Variants in GPR176 observed in about 807,000 individuals in gnomAD.
GPR176 encodes G protein-coupled receptor 176.
Under a neutral mutation model 35.4 loss-of-function variants are expected in GPR176, and 26 were observed. The ratio of observed to expected loss-of-function variants is 0.74; its 90% CI spans 0.54 to 1.02. GPR176 has a LOEUF of 1.02. Among genes scored for constraint, GPR176 ranks in the 50% least tolerant of loss-of-function variants. The pLI is 0.00. For missense variants in GPR176, 597 were observed against 665.3 expected (o/e 0.90, Z 1.13); for synonymous variants, 278 against 271.3 (o/e 1.02, Z -0.24).
chr15:39,852,208 G>A (rs745566789), intron 1 of GPR176, among the ~76,000 whole-genome samples: 14 of 152,128 alleles, frequency 9.2e-5, no homozygotes, highest in Non-Finnish European at 2.1e-4. Context: ...TGTTGTTTGA[G>A]GGGTTTCCAA....
chr15:39,866,827 T>C lies in GPR176; in HGVS notation c.172+53028A>G, dbSNP rs150926967. Among the ~76,000 whole-genome samples the C allele has an allele frequency of 3.0e-3, 460 of 152,206 alleles. 5 individuals carry two copies. In the East Asian group the frequency reaches 0.032, roughly 11 times the overall value. On this transcript the variant is annotated intron_variant, in intron 1 of 2. Transcript: ENST00000561100. ...TACCATAAATGTGTGAAGAAATAAA[T>C]CACTGAAACATATGAGGAAGGTGGA...
intron 1 of GPR176, among the ~76,000 whole-genome samples, chr15:39,849,821 C>A (rs1482483549): frequency 2.0e-5 from 3 of 152,124 alleles, no homozygotes; most frequent in African/African-American, 7.2e-5. Context: ...GAGATTCATT[C>A]TGAGAAAGGT....
At chr15:39,848,663 C>T (rs2140804212) in intron 1 of GPR176, among the ~76,000 whole-genome samples, 1 of 152,088 alleles carries the variant, frequency 6.6e-6, no homozygotes, top group Non-Finnish European at 1.5e-5. Context: ...AGAAAGACAA[C>T]AGAAAAATCT....
intron 1 of GPR176, among the ~76,000 whole-genome samples, chr15:39,837,097 A>C (rs1566946034): frequency 6.6e-6 from 1 of 152,154 alleles, no homozygotes; most frequent in African/African-American, 2.4e-5. Flanking sequence ...CTAGGGAAGG[A>C]CTTTCACAAT....
At position 39,800,501 on chromosome 15, in the gene GPR176, G is replaced by C. The variant is rs1898784183; in HGVS notation, c.*631C>G. 1 of 152,406 alleles carries C rather than the reference G, an allele frequency of 6.6e-6. No individual in the cohort carries two copies. The highest frequency in any genetic ancestry group is 2.4e-5 in the African/African-American group (1 of 41,382). The allele number at this position is 152,406 out of a possible 1,614,324, so 9.4% of individuals were successfully genotyped here. A position where few individuals can be genotyped will look rare whatever the true frequency, so the allele number is the denominator to read the frequency against. ...GGACAAAATATCTCCCTTACTCCCG[G>C]GCACATCTATCGCCATGTGTACCAT... On this transcript the variant is annotated 3_prime_UTR_variant, in exon 3 of 3. Coordinates refer to ENST00000561100, the MANE Select transcript of GPR176 (RefSeq NM_007223.3).
At chr15:39,905,891 C>T (rs934686504) in intron 1 of GPR176, among the ~76,000 whole-genome samples, 2 of 152,130 alleles carry the variant, frequency 1.3e-5, no homozygotes, top group Non-Finnish European at 2.9e-5. Context: ...AGGGCAATGT[C>T]CTGGTTGTTG....
At position 39,801,006 on chromosome 15, in the gene GPR176, C is replaced by A; in HGVS notation, c.*126G>T. The stretch of plus-strand genomic sequence containing the variant: ...TTCCCTATCATTCAAAAGCATCTGG[C>A]CCATATTGGAGGAATCAACTCACAC... On this transcript the variant is annotated 3_prime_UTR_variant, in exon 3 of 3. Coordinates refer to ENST00000561100, the MANE Select transcript of GPR176 (RefSeq NM_007223.3). The A allele has an allele frequency of 1.3e-6, 1 of 771,938 alleles. No homozygotes were observed. Among genetic ancestry groups the A allele is most frequent in the Non-Finnish European group, 2.1e-6 (1 of 465,252 alleles). The allele number at this position is 771,938 out of a possible 1,614,324, so 47.8% of individuals were successfully genotyped here. A position where few individuals can be genotyped will look rare whatever the true frequency, so the allele number is the denominator to read the frequency against.
intron 1 of GPR176, among the ~76,000 whole-genome samples, chr15:39,884,541 T>C (rs1453419884): frequency 6.6e-6 from 1 of 151,622 alleles, no homozygotes. Flanking sequence ...CTGGGGCAGC[T>C]GCTCAAAGAA....
chr15:39,849,407 A>C (rs2030697268), intron 1 of GPR176, among the ~76,000 whole-genome samples: 1 of 152,168 alleles, frequency 6.6e-6, no homozygotes. Flanking sequence ...TCCAAAAAAC[A>C]GAAGAGAAAG....
chr15:39,830,486 AAG>A (rs925060634), intron 1 of GPR176, among the ~76,000 whole-genome samples: 69 of 152,174 alleles, frequency 4.5e-4, no homozygotes, highest in Admixed American at 5.2e-4. Flanking sequence ...AGGCAGACAA[AAG>A]AGAGAGACAG....
rs1442857621 is a variant in GPR176 at position 39,801,035 on chromosome 15, G to A, written c.*97C>T. ...TATTGGAGGAATCAACTCACACTGA[G>A]TTGCAAGGAGATCATACAATCACAT... On this transcript the variant is annotated 3_prime_UTR_variant, in exon 3 of 3. Transcript: ENST00000561100. The A allele has an allele frequency of 9.7e-7, 1 of 1,028,632 alleles. No homozygotes were observed. The highest frequency in any genetic ancestry group is 1.5e-5 in the South Asian group (1 of 64,560). 63.7% of individuals were successfully genotyped at this position (1,028,632 alleles called of 1,614,324 possible).
At chr15:39,890,622 G>A (rs2032836635) in intron 1 of GPR176, among the ~76,000 whole-genome samples, 1 of 152,122 alleles carries the variant, frequency 6.6e-6, no homozygotes, top group Admixed American at 6.5e-5. Context: ...TATGTGCCAA[G>A]CTCTATTTGC....
chr15:39,920,110 C>T lies in GPR176; in HGVS notation c.-84G>A. 1.0e-6 allele frequency: 1 copy of T among 969,830 alleles called. No individual in the cohort carries two copies. Among genetic ancestry groups the T allele is most frequent in the East Asian group, 3.3e-5 (1 of 30,324 alleles). The allele number at this position is 969,830 out of a possible 1,614,324, so 60.1% of individuals were successfully genotyped here. ...CTCCTCCTCCGGGTGAGGAGGGACG[C>T]GCGGGCGCCTGGCGGAGTCCTGGAG... On this transcript the variant is annotated 5_prime_UTR_variant, in exon 1 of 3. Transcript: ENST00000561100.
At chr15:39,907,384 G>C (rs1340275791) in intron 1 of GPR176, among the ~76,000 whole-genome samples, 1 of 152,082 alleles carries the variant, frequency 6.6e-6, no homozygotes, top group Non-Finnish European at 1.5e-5. Flanking sequence ...CTCCCGCTCT[G>C]CCCTCCAAGC....
At chr15:39,825,384 G>T (rs752353767) in intron 1 of GPR176, among the ~76,000 whole-genome samples, 42 of 151,928 alleles carry the variant, frequency 2.8e-4, no homozygotes, top group Non-Finnish European at 5.1e-4. Context: ...GCTGTTCTTT[G>T]TGGATACCAT....
intron 1 of GPR176, among the ~76,000 whole-genome samples, chr15:39,891,358 C>T (rs893596873): frequency 4.6e-5 from 7 of 152,144 alleles, no homozygotes; most frequent in African/African-American, 1.7e-4. Context: ...ATGATATTTT[C>T]GGGGTTTTTT....
At chr15:39,880,643 C>A (rs975921702) in intron 1 of GPR176, among the ~76,000 whole-genome samples, 1 of 152,094 alleles carries the variant, frequency 6.6e-6, no homozygotes, top group Non-Finnish European at 1.5e-5. Context: ...CTCCTAAACT[C>A]AATCTCTTTC....
intron 1 of GPR176, among the ~76,000 whole-genome samples, chr15:39,839,689 G>C (rs1467226711): frequency 2.0e-5 from 3 of 152,088 alleles, no homozygotes; most frequent in Non-Finnish European, 4.4e-5. Flanking sequence ...GAGCGAACAG[G>C]CAACCTACAG....
intron 1 of GPR176, among the ~76,000 whole-genome samples, chr15:39,855,380 G>T (rs1333525739): frequency 6.6e-6 from 1 of 152,134 alleles, no homozygotes; most frequent in Non-Finnish European, 1.5e-5. Context: ...AATAAGCCCT[G>T]GTCCTATTTC....
Sources: gnomAD v4.1 joint callset for allele counts (sites outside exome capture counted in the v4.1 genomes callset) on GRCh38, gnomAD v4.1.1 for gene constraint, MANE v1.5 for transcripts, NCBI Gene and HGNC (gene_info 2026-07-23, HGNC 2026-07-21) for gene names.